Variants in KHDRBS2 observed in about 807,000 individuals in gnomAD.
KHDRBS2 encodes KH RNA binding domain containing, signal transduction associated 2, also known as KH domain-containing, RNA-binding, signal transduction-associated protein 2.
KHDRBS2 carries 26 observed loss-of-function variants against 44.3 expected under a neutral mutation model. The ratio of observed to expected loss-of-function variants is 0.59; its 90% CI spans 0.43 to 0.81. The LOEUF (loss-of-function observed/expected upper bound fraction) is 0.81. Ranked by LOEUF, KHDRBS2 falls within the 40% of genes least tolerant of loss-of-function variation. The probability of loss-of-function intolerance (pLI) is 0.00; values close to 1 mark genes in which losing one functional copy is unlikely to be tolerated. For missense variants in KHDRBS2, 476 were observed against 433.1 expected (o/e 1.10, Z -0.88); for synonymous variants, 194 against 151.1 (o/e 1.28, Z -2.08).
chr6:62,008,477 A>G (rs1779678961), intron 3 of KHDRBS2, among the ~76,000 whole-genome samples: 1 of 152,210 alleles, frequency 6.6e-6, no homozygotes, highest in African/African-American at 2.4e-5. Context: ...GGCTATGATT[A>G]TCCTTATTAC....
intron 2 of KHDRBS2, among the ~76,000 whole-genome samples, chr6:62,063,426 C>T (rs535817331): frequency 1.3e-5 from 2 of 151,166 alleles, no homozygotes; most frequent in African/African-American, 4.9e-5. Flanking sequence ...AAAAGCTTAC[C>T]CACCATGATC....
At chr6:61,723,421 GT>G (rs1562034869) in intron 7 of KHDRBS2, among the ~76,000 whole-genome samples, 1 of 152,084 alleles carries the variant, frequency 6.6e-6, no homozygotes, top group East Asian at 1.9e-4. Context: ...CAGAAGGTAC[GT>G]AATAACAAAC....
At chr6:61,754,126 C>G (rs182048241) in intron 6 of KHDRBS2, among the ~76,000 whole-genome samples, 1 of 152,234 alleles carries the variant, frequency 6.6e-6, no homozygotes, top group East Asian at 1.9e-4. Context: ...TTTAAGCCAT[C>G]AAATGTGTGG....
the KHDRBS2 span, among the ~76,000 whole-genome samples, chr6:61,633,378 T>C: frequency 1.3e-5 from 2 of 152,104 alleles, no homozygotes; most frequent in African/African-American, 4.8e-5. Flanking sequence ...ACAGACCCTT[T>C]ACACACTGTG....
At chr6:61,805,879 C>T (rs550915803) in intron 6 of KHDRBS2, among the ~76,000 whole-genome samples, 3 of 152,180 alleles carry the variant, frequency 2.0e-5, no homozygotes, top group Non-Finnish European at 2.9e-5. Flanking sequence ...GGACACAGAG[C>T]CATACCATAT....
chr6:62,006,670 C>A (rs1428581203), intron 3 of KHDRBS2, among the ~76,000 whole-genome samples: 1 of 151,880 alleles, frequency 6.6e-6, no homozygotes, highest in Non-Finnish European at 1.5e-5. Context: ...TTATCCTATA[C>A]AAGACCATAG....
At chr6:62,027,684 A>T in intron 3 of KHDRBS2, among the ~76,000 whole-genome samples, 1 of 152,080 alleles carries the variant, frequency 6.6e-6, no homozygotes, top group East Asian at 1.9e-4. Context: ...ATTTAATAAC[A>T]TGCTTATGAA....
At chr6:62,154,506 G>C (rs1815937500) in intron 2 of KHDRBS2, among the ~76,000 whole-genome samples, 1 of 151,888 alleles carries the variant, frequency 6.6e-6, no homozygotes, top group Admixed American at 6.6e-5. Flanking sequence ...TTGAAAAAAA[G>C]TAGGGTTCTG....
chr6:62,015,689 T>C (rs1781085760), intron 3 of KHDRBS2, among the ~76,000 whole-genome samples: 3 of 152,152 alleles, frequency 2.0e-5, no homozygotes, highest in Admixed American at 6.6e-5. Flanking sequence ...TCTGCAGAGA[T>C]GGCAAAAACA....
At chr6:62,026,944 T>A (rs1011479915) in intron 3 of KHDRBS2, among the ~76,000 whole-genome samples, 5 of 152,108 alleles carry the variant, frequency 3.3e-5, no homozygotes, top group African/African-American at 9.7e-5. Context: ...ATACTTTGGA[T>A]GTAGTTTCAA....
chr6:61,848,936 C>A (rs1795046919), intron 6 of KHDRBS2, among the ~76,000 whole-genome samples: 1 of 151,800 alleles, frequency 6.6e-6, no homozygotes. Flanking sequence ...CATTTCGTTG[C>A]CGGAAAAATT....
rs557204406 is a variant in KHDRBS2, at chr6:62,218,425, C to T, written c.92-41113G>A. On this transcript the variant is annotated intron_variant, in intron 1 of 8. Transcript: ENST00000281156. Reference sequence around the variant, plus strand: ...ATGGCAGGTATACAAGCAAAGATAACATGACATGAACAGAACCAACACAAA... The same window carrying T: ...ATGGCAGGTATACAAGCAAAGATAATATGACATGAACAGAACCAACACAAA... 8.6e-5 allele frequency among the ~76,000 whole-genome samples: 13 copies of T among 151,754 alleles called. No individual in the cohort carries two copies. In the South Asian group the frequency reaches 2.5e-3, roughly 29 times the overall value.
At chr6:61,817,476 CT>C (rs1187572201) in intron 6 of KHDRBS2, among the ~76,000 whole-genome samples, 2 of 152,014 alleles carry the variant, frequency 1.3e-5, no homozygotes, top group Admixed American at 6.6e-5. Flanking sequence ...GTATATTAGA[CT>C]TTTTTTCCTT....
intron 3 of KHDRBS2, among the ~76,000 whole-genome samples, chr6:62,042,818 T>A (rs1786828703): frequency 6.6e-6 from 1 of 152,118 alleles, no homozygotes; most frequent in Admixed American, 6.6e-5. Context: ...TATTACTGCA[T>A]CAAAGACAGA....
At chr6:61,894,912 ACAGCCTC>A in intron 5 of KHDRBS2, 79 bp from the exon 6 acceptor site, 1 of 876,406 alleles carries the variant, frequency 1.1e-6, no homozygotes, top group Non-Finnish European at 1.8e-6. Context: ...TTTTCATCTC[ACAGCCTC>A]CATACAATGA....
chr6:62,087,031 AC>A (rs1342047463), intron 2 of KHDRBS2, among the ~76,000 whole-genome samples: 1 of 152,162 alleles, frequency 6.6e-6, no homozygotes, highest in Non-Finnish European at 1.5e-5. Flanking sequence ...TTAACTCAAT[AC>A]AAAAACAACA....
the KHDRBS2 span, among the ~76,000 whole-genome samples, chr6:61,545,509 G>GTT: frequency 6.6e-6 from 1 of 151,426 alleles, no homozygotes; most frequent in Non-Finnish European, 1.5e-5. Flanking sequence ...CTCTGTGTGT[G>GTT]TGTGTGTGTG....
intron 2 of KHDRBS2, among the ~76,000 whole-genome samples, chr6:62,139,720 C>T (rs1443873500): frequency 2.0e-5 from 3 of 152,070 alleles, no homozygotes; most frequent in East Asian, 3.9e-4. Flanking sequence ...CTGAGCTATG[C>T]AATACTGATG....
At chr6:62,086,189 A>G (rs995581977) in intron 2 of KHDRBS2, among the ~76,000 whole-genome samples, 2 of 152,140 alleles carry the variant, frequency 1.3e-5, no homozygotes, top group East Asian at 1.9e-4. Flanking sequence ...CATGAAATTT[A>G]GCTTAAAATA....
Sources: gnomAD v4.1 joint callset for allele counts (sites outside exome capture counted in the v4.1 genomes callset) on GRCh38, gnomAD v4.1.1 for gene constraint, MANE v1.5 for transcripts, NCBI Gene and HGNC (gene_info 2026-07-23, HGNC 2026-07-21) for gene names.